Variants in ACSS3 observed in about 807,000 individuals in gnomAD.
ACSS3 encodes the protein acyl-CoA synthetase short-chain family member 3, mitochondrial.
ACSS3 carries 64 observed loss-of-function variants against 84.2 expected under a neutral mutation model. The observed-to-expected ratio is 0.76, with a 90% CI of 0.62 to 0.94. The LOEUF (loss-of-function observed/expected upper bound fraction) is 0.94, where lower values mean the gene tolerates loss of function less well. ACSS3 is among the 40% of genes least tolerant of loss of function. The probability of loss-of-function intolerance (pLI) is 0.00; values close to 1 mark genes in which losing one functional copy is unlikely to be tolerated. For missense variants in ACSS3, 815 were observed against 867.6 expected, an observed-to-expected ratio of 0.94 and a Z score of 0.76; for synonymous variants, 317 against 310.1, an observed-to-expected ratio of 1.02 and a Z score of -0.23.
At chr12:81,122,648 T>C (rs538401759) in intron 2 of ACSS3, among the ~76,000 whole-genome samples, 14 of 152,198 alleles carry the variant, frequency 9.2e-5, no homozygotes, top group Non-Finnish European at 2.1e-4. Flanking sequence ...GTGTGGTAGA[T>C]TCTGTACCTT....
intron 7 of ACSS3, among the ~76,000 whole-genome samples, chr12:81,168,995 C>T (rs1305400752): frequency 6.6e-6 from 1 of 152,166 alleles, no homozygotes; most frequent in African/African-American, 2.4e-5. Context: ...ATTAGAATAA[C>T]TAAAACACAA....
chr12:81,088,220 C>T (rs1207767995), intron 1 of ACSS3, among the ~76,000 whole-genome samples: 4 of 152,038 alleles, frequency 2.6e-5, no homozygotes, highest in African/African-American at 7.2e-5. Context: ...TAAGCAAAAA[C>T]GTATAGATGA....
chr12:81,123,414 G>A (rs1302752719), intron 2 of ACSS3, among the ~76,000 whole-genome samples: 1 of 152,138 alleles, frequency 6.6e-6, no homozygotes, highest in Non-Finnish European at 1.5e-5. Flanking sequence ...TTCTTATACA[G>A]TGCAATAAAA....
intron 11 of ACSS3, among the ~76,000 whole-genome samples, chr12:81,221,265 A>G (rs2033097703): frequency 6.6e-6 from 1 of 151,990 alleles, no homozygotes; most frequent in African/African-American, 2.4e-5. Context: ...ATCTTTACTG[A>G]TAGAGTTTAA....
At chr12:81,156,037 T>C (rs1053713628) in intron 7 of ACSS3, among the ~76,000 whole-genome samples, 1 of 152,144 alleles carries the variant, frequency 6.6e-6, no homozygotes, top group Admixed American at 6.5e-5. Context: ...TTAAAAATAT[T>C]TGAAGTCATG....
intron 2 of ACSS3, among the ~76,000 whole-genome samples, chr12:81,118,375 G>A (rs750300890): frequency 1.1e-4 from 16 of 152,222 alleles, no homozygotes; most frequent in South Asian, 4.2e-4. Flanking sequence ...CATCTGCATC[G>A]CTGAAGCTGT....
chr12:81,242,433 G>A (rs2033838270), intron 13 of ACSS3, among the ~76,000 whole-genome samples: 2 of 150,658 alleles, frequency 1.3e-5, no homozygotes, highest in African/African-American at 4.9e-5. Context: ...AGAGGTACAA[G>A]GAGGAACTGG....
At chr12:81,150,068 CA>C (rs1272030765) in intron 5 of ACSS3, among the ~76,000 whole-genome samples, 1 of 152,070 alleles carries the variant, frequency 6.6e-6, no homozygotes, top group Non-Finnish European at 1.5e-5. Context: ...TCAGGTTTTA[CA>C]ATTGAATTAC....
At chr12:81,078,476 T>A (rs542100679) in intron 1 of ACSS3, 45 bp downstream of exon 1, 1 of 1,598,600 alleles carries the variant, frequency 6.3e-7, no homozygotes, top group South Asian at 1.1e-5. Context: ...CCCTGGTAAC[T>A]TTTTGGGCGC....
intron 7 of ACSS3, among the ~76,000 whole-genome samples, chr12:81,153,136 G>A (rs1404895448): frequency 6.6e-6 from 1 of 152,208 alleles, no homozygotes; most frequent in Non-Finnish European, 1.5e-5. Context: ...GGCTGGGCAT[G>A]TTGGCTTATG....
rs551957535 is a variant in ACSS3 at position 81,090,110 on chromosome 12, G to T, written c.311+11679G>T. ...TCCCTTTGCTTTATTTGTTCTCTGT[G>T]TTTCTGTGTGTTTTCCACTCTCCTC... On this transcript the variant is annotated intron_variant, in intron 1 of 15. Transcript: ENST00000548058. Among the ~76,000 whole-genome samples the T allele has an allele frequency of 2.0e-5, 3 of 151,988 alleles. No homozygotes were observed. The East Asian group carries it at 5.8e-4, about 29-fold the overall frequency.
intron 8 of ACSS3, among the ~76,000 whole-genome samples, chr12:81,181,042 C>G (rs1742906878): frequency 6.6e-6 from 1 of 152,110 alleles, no homozygotes; most frequent in African/African-American, 2.4e-5. Flanking sequence ...TTTTATGTTT[C>G]TGTGGCCCAA....
chr12:81,082,533 G>A (rs937509944), intron 1 of ACSS3, among the ~76,000 whole-genome samples: 2 of 152,278 alleles, frequency 1.3e-5, no homozygotes, highest in South Asian at 2.1e-4. Flanking sequence ...CAAAGGCCAT[G>A]AGGTAGACAT....
chr12:81,088,244 A>G lies in ACSS3; in HGVS notation c.311+9813A>G, dbSNP rs142382379. On this transcript the variant is annotated intron_variant, in intron 1 of 15. Transcript: ENST00000548058. ...ACGTATAGATGACAATGTTTTGGGG[A>G]GTCTACCTGAACCCACAATGGAGTG... Among the ~76,000 whole-genome samples, 529 of 152,210 alleles carry G rather than the reference A, an allele frequency of 3.5e-3. 2 individuals are homozygous for G. Among genetic ancestry groups the G allele is most frequent in the African/African-American group, 0.012 (506 of 41,556 alleles).
chr12:81,194,489 C>T (rs973232463), intron 8 of ACSS3, among the ~76,000 whole-genome samples: 2 of 151,656 alleles, frequency 1.3e-5, no homozygotes, highest in Non-Finnish European at 3.0e-5. Flanking sequence ...TTTTCTAAAC[C>T]ACTAATGATC....
chr12:81,199,255 G>C, intron 8 of ACSS3, 86 bp from the exon 9 acceptor site: 1 of 1,150,058 alleles, frequency 8.7e-7, no homozygotes, highest in Non-Finnish European at 1.2e-6. Context: ...CATAATGAGT[G>C]TGGTTAACCA....
At chr12:81,234,730 T>C (rs903678781) in intron 13 of ACSS3, among the ~76,000 whole-genome samples, 4 of 151,378 alleles carry the variant, frequency 2.6e-5, no homozygotes, top group African/African-American at 9.7e-5. Context: ...CTTCAGCCCA[T>C]TTTTTTAAAT....
chr12:81,152,027 C>G lies in ACSS3; in HGVS notation c.1029C>G (p.Gly343=), dbSNP rs200875655. 7.4e-6 allele frequency: 12 copies of G among 1,613,566 alleles called. No individual in the cohort carries two copies. The highest frequency in any genetic ancestry group is 1.0e-5 in the Non-Finnish European group (12 of 1,179,786). The change falls in exon 7 of 16, where the codon GGC becomes GGG. Residue 343 remains glycine (G), a synonymous_variant. Transcript: ENST00000548058. ...GEVWWAASDL[G]WVVGHSYICY... is the part of the protein sequence containing the mutation. ...TGTGGTGGGCAGCTTCTGACTTAGG[C>G]TGGGTTGTTGGACATTCCTATATCT...
chr12:81,165,485 A>C (rs1047429219), intron 7 of ACSS3, among the ~76,000 whole-genome samples: 1 of 152,126 alleles, frequency 6.6e-6, no homozygotes, highest in African/African-American at 2.4e-5. Flanking sequence ...CTCTACTAAA[A>C]ATACAAAAAA....
Sources: allele counts gnomAD v4.1 joint callset (sites outside exome capture counted in the v4.1 genomes callset), GRCh38; gene constraint gnomAD v4.1.1; transcripts MANE v1.5; gene names NCBI Gene and HGNC (gene_info 2026-07-23, HGNC 2026-07-21).